Variants in DOCK4 observed in about 807,000 individuals in gnomAD.
DOCK4 encodes the protein dedicator of cytokinesis 4.
Under a neutral mutation model 268.1 loss-of-function variants are expected in DOCK4, and 97 were observed. The ratio of observed to expected loss-of-function variants is 0.36; its 90% confidence interval spans 0.31 to 0.43. The LOEUF is 0.43. DOCK4 is among the 20% of genes least tolerant of loss of function. The pLI, the probability that DOCK4 is intolerant of heterozygous loss-of-function variation, is 1.00. For synonymous variants in DOCK4, 954 were observed against 887.2 expected (o/e 1.08, Z -1.34); for missense variants, 2,145 against 2,455.7 (o/e 0.87, Z 2.67).
intron 37 of DOCK4, among the ~76,000 whole-genome samples, chr7:111,768,675 G>A (rs1797920753): frequency 6.6e-6 from 1 of 152,144 alleles, no homozygotes. Flanking sequence ...AAGTCAGTGA[G>A]GTTTTTTCAA....
intron 41 of DOCK4, 83 bp downstream of exon 41, chr7:111,758,541 G>A: frequency 6.9e-7 from 1 of 1,454,754 alleles, no homozygotes; most frequent in Non-Finnish European, 9.5e-7. Context: ...ACACTATTCT[G>A]AGTAAATATT....
At chr7:112,034,061 T>C (rs1269175411) in intron 1 of DOCK4, among the ~76,000 whole-genome samples, 1 of 152,136 alleles carries the variant, frequency 6.6e-6, no homozygotes, top group South Asian at 2.1e-4. Flanking sequence ...CATACTCATA[T>C]GGGAAATACA....
At chr7:112,165,298 TGC>T (rs1817490978) in intron 1 of DOCK4, among the ~76,000 whole-genome samples, 1 of 152,130 alleles carries the variant, frequency 6.6e-6, no homozygotes, top group East Asian at 1.9e-4. Context: ...CCTACTTCTC[TGC>T]ATCCTCCCCT....
At position 111,970,328 on chromosome 7, in the gene DOCK4, G is replaced by GAAA. The variant is rs557400137; in HGVS notation, c.701+6801_701+6803dup. Among the ~76,000 whole-genome samples, 435 of 149,890 alleles carry GAAA rather than the reference G, an allele frequency of 2.9e-3. 2 individuals are homozygous for GAAA. Among genetic ancestry groups the GAAA allele is most frequent in the African/African-American group, 0.01 (412 of 40,638 alleles). ...CCTTGGGCAAGTTATTAAAAAAAAA[G>GAAA]AAAAAAAAACTCTCCGTGCCTCAGT... On this transcript the variant is annotated intron_variant, in intron 8 of 52. Transcript: ENST00000428084.
intron 27 of DOCK4, 34 bp downstream of exon 27, chr7:111,822,328 T>G: frequency 1.9e-6 from 3 of 1,555,976 alleles, no homozygotes; most frequent in Non-Finnish European, 2.7e-6. Context: ...CTCTATACAT[T>G]GAGCTGCAAT....
At chr7:112,190,558 G>A (rs1414092708) in intron 1 of DOCK4, among the ~76,000 whole-genome samples, 1 of 152,136 alleles carries the variant, frequency 6.6e-6, no homozygotes, top group African/African-American at 2.4e-5. Flanking sequence ...ATAGGATGGA[G>A]GACAGCGTAT....
intron 25 of DOCK4, among the ~76,000 whole-genome samples, chr7:111,841,664 G>A (rs960740024): frequency 6.6e-6 from 1 of 152,128 alleles, no homozygotes; most frequent in Admixed American, 6.5e-5. Flanking sequence ...CACCTGGACA[G>A]TCTGGTTTCT....
At chr7:111,858,627 T>C (rs2134159168) in intron 23 of DOCK4, among the ~76,000 whole-genome samples, 1 of 152,322 alleles carries the variant, frequency 6.6e-6, no homozygotes, top group South Asian at 2.1e-4. Context: ...TATACCATTG[T>C]CTCTCCTGCT....
chr7:112,096,441 C>T (rs569563787), intron 1 of DOCK4, among the ~76,000 whole-genome samples: 1 of 152,248 alleles, frequency 6.6e-6, no homozygotes, highest in South Asian at 2.1e-4. Flanking sequence ...CCTTAGCCTC[C>T]CAAAGTGCTG....
At chr7:111,855,862 C>G (rs1205274361) in intron 23 of DOCK4, among the ~76,000 whole-genome samples, 1 of 152,196 alleles carries the variant, frequency 6.6e-6, no homozygotes, top group Non-Finnish European at 1.5e-5. Context: ...TAATATAATA[C>G]TGTGGAGTCT....
At chr7:112,202,959 A>C (rs1821075543) in intron 1 of DOCK4, among the ~76,000 whole-genome samples, 1 of 152,166 alleles carries the variant, frequency 6.6e-6, no homozygotes, top group South Asian at 2.1e-4. Context: ...CTTACCTCTG[A>C]TCTTACTTAA....
chr7:111,783,782 G>C, intron 34 of DOCK4, 75 bp downstream of exon 34: 1 of 1,284,654 alleles, frequency 7.8e-7, no homozygotes, highest in Non-Finnish European at 1.1e-6. Flanking sequence ...GTGGAACGTT[G>C]ATTGTATTCT....
intron 1 of DOCK4, among the ~76,000 whole-genome samples, chr7:112,094,143 T>G (rs1044641984): frequency 1.3e-5 from 2 of 152,144 alleles, no homozygotes; most frequent in African/African-American, 4.8e-5. Context: ...TAGCATTCAT[T>G]TAATCCCACT....
intron 22 of DOCK4, among the ~76,000 whole-genome samples, chr7:111,867,554 C>A (rs1452783907): frequency 6.6e-6 from 1 of 152,046 alleles, no homozygotes; most frequent in East Asian, 1.9e-4. Flanking sequence ...GGGTCAAGTT[C>A]AATAAAACAA....
At chr7:111,783,014 G>GAAAAAAAAAA in intron 34 of DOCK4, 90 bp from the exon 35 acceptor site, 1 of 412,758 alleles carries the variant, frequency 2.4e-6, no homozygotes, top group Non-Finnish European at 3.7e-6. Context: ...AAGAAAGAAA[G>GAAAAAAAAAA]AAAGAAAAAA....
intron 17 of DOCK4, among the ~76,000 whole-genome samples, chr7:111,875,476 A>T (rs1806777403): frequency 6.6e-6 from 1 of 152,232 alleles, no homozygotes. Flanking sequence ...TGGCCTCAAG[A>T]ACCTGTTCCA....
At chr7:112,181,639 C>CAAA (rs55807955) in intron 1 of DOCK4, among the ~76,000 whole-genome samples, 1,831 of 65,210 alleles carry the variant, frequency 0.028, 159 homozygotes, top group South Asian at 0.045. Context: ...GACACTGTCT[C>CAAA]AAAAAAAAAA....
At chr7:112,129,668 G>A (rs1813613941) in intron 1 of DOCK4, among the ~76,000 whole-genome samples, 2 of 152,208 alleles carry the variant, frequency 1.3e-5, no homozygotes, top group South Asian at 4.1e-4. Context: ...TCATGTGGAA[G>A]TAGACTCTTG....
At chr7:112,200,734 A>AC (rs1554478917) in intron 1 of DOCK4, among the ~76,000 whole-genome samples, 1 of 117,744 alleles carries the variant, frequency 8.5e-6, no homozygotes, top group African/African-American at 4.0e-5. Context: ...ATAAAAAAAA[A>AC]AAAACAAAAA....
Sources: allele counts gnomAD v4.1 joint callset (sites outside exome capture counted in the v4.1 genomes callset), GRCh38; gene constraint gnomAD v4.1.1; transcripts MANE v1.5; gene names NCBI Gene and HGNC (gene_info 2026-07-23, HGNC 2026-07-21).